The following BRMS1L variants were observed in gnomAD, a reference collection of about 807,000 sequenced individuals.
BRMS1L encodes BRMS1 like transcriptional repressor, also known as breast cancer metastasis-suppressor 1-like protein.
BRMS1L carries 23 observed loss-of-function variants against 50.3 expected under a neutral mutation model. That is an observed-to-expected ratio of 0.46 (90% CI 0.33 to 0.65). The LOEUF (loss-of-function observed/expected upper bound fraction) is 0.65, where lower values mean the gene tolerates loss of function less well. BRMS1L is among the 30% of genes least tolerant of loss of function. The probability of loss-of-function intolerance (pLI) is 0.02; values close to 1 mark genes in which losing one functional copy is unlikely to be tolerated. For synonymous variants in BRMS1L, 114 were observed against 126.9 expected (o/e 0.90, Z 0.69); for missense variants, 286 against 386.1 (o/e 0.74, Z 2.17).
At chr14:35,840,069 T>A (rs1299201625) in intron 4 of BRMS1L, among the ~76,000 whole-genome samples, 1 of 152,210 alleles carries the variant, frequency 6.6e-6, no homozygotes, top group Non-Finnish European at 1.5e-5. Flanking sequence ...ATTGAGAGTT[T>A]TTAGCATGAA....
rs72493491 is a variant in BRMS1L at position 35,850,209 on chromosome 14, C to CTTT, written c.442-12368_442-12366dup. ...TCTCCCATTTAGTAGGTTGCCTTTT[C>CTTT]TTTTTTTTTTTTTTTGAGATGGAGT... On this transcript the variant is annotated intron_variant, in intron 4 of 9. Transcript: ENST00000216807. 2.2e-3 allele frequency among the ~76,000 whole-genome samples: 282 copies of CTTT among 128,954 alleles called. 3 individuals carry two copies. The highest frequency in any genetic ancestry group is 7.7e-3 in the African/African-American group (272 of 35,368). 84.6% of individuals were successfully genotyped at this position (128,954 alleles called of 152,430 possible). A position where few individuals can be genotyped will look rare whatever the true frequency, so the allele number is the denominator to read the frequency against.
At chr14:35,841,320 T>C (rs2078059891) in intron 4 of BRMS1L, among the ~76,000 whole-genome samples, 1 of 152,052 alleles carries the variant, frequency 6.6e-6, no homozygotes, top group Non-Finnish European at 1.5e-5. Flanking sequence ...TATTTTATTT[T>C]ATTTTTTTTT....
chr14:35,865,860 A>G, intron 8 of BRMS1L, 99 bp downstream of exon 8: 1 of 1,049,458 alleles, frequency 9.5e-7, no homozygotes, highest in South Asian at 1.4e-5. Flanking sequence ...CAGTGGTTTT[A>G]TTTCATCAGT....
At chr14:35,861,331 A>G (rs2078348465) in intron 4 of BRMS1L, among the ~76,000 whole-genome samples, 1 of 152,192 alleles carries the variant, frequency 6.6e-6, no homozygotes, top group African/African-American at 2.4e-5. Context: ...CCTTAACAGC[A>G]AAAGGCTTAT....
chr14:35,826,704 C>T (rs1256958373), intron 1 of BRMS1L, 46 bp downstream of exon 1: 13 of 1,596,990 alleles, frequency 8.1e-6, no homozygotes. Flanking sequence ...GCCCAGCGCG[C>T]GACAGGCCGC....
In BRMS1L at chr14:35,826,677, G is replaced by T; in HGVS notation, c.142+19G>T. Reference sequence around the variant, plus strand: ...AGCTCAGGTGCGCGACCCACTGCTGGGACCCTGAGTCCCCGCGCCCAGCGC... The same window carrying T: ...AGCTCAGGTGCGCGACCCACTGCTGTGACCCTGAGTCCCCGCGCCCAGCGC... On this transcript the variant is annotated intron_variant, in intron 1 of 9. Transcript: ENST00000216807. 7 of 1,608,192 alleles carry T rather than the reference G, an allele frequency of 4.4e-6. No homozygotes were observed. Among genetic ancestry groups the T allele is most frequent in the Non-Finnish European group, 5.1e-6 (6 of 1,177,944 alleles).
chr14:35,854,842 C>T (rs941491915), intron 4 of BRMS1L, among the ~76,000 whole-genome samples: 3 of 152,228 alleles, frequency 2.0e-5, no homozygotes, highest in Admixed American at 1.3e-4. Context: ...TTCAGCTAGA[C>T]ATCATGGTGT....
At chr14:35,865,041 T>G (rs757359298) in intron 7 of BRMS1L, 42 bp downstream of exon 7, 12 of 1,364,550 alleles carry the variant, frequency 8.8e-6, no homozygotes, top group Middle Eastern at 1.9e-4. Flanking sequence ...GTTTTTATAG[T>G]CTACTTTTTA....
intron 4 of BRMS1L, among the ~76,000 whole-genome samples, chr14:35,842,205 T>A (rs1004234514): frequency 6.6e-6 from 1 of 152,200 alleles, no homozygotes; most frequent in African/African-American, 2.4e-5. Flanking sequence ...ATGTGTGAAT[T>A]TGATCCTGTC....
At chr14:35,857,600 T>G (rs923373133) in intron 4 of BRMS1L, among the ~76,000 whole-genome samples, 1 of 152,098 alleles carries the variant, frequency 6.6e-6, no homozygotes, top group African/African-American at 2.4e-5. Flanking sequence ...GAATTATAAG[T>G]GTGAGCCACT....
At chr14:35,843,780 G>A (rs571823319) in intron 4 of BRMS1L, among the ~76,000 whole-genome samples, 5 of 152,332 alleles carry the variant, frequency 3.3e-5, no homozygotes, top group Admixed American at 2.6e-4. Flanking sequence ...CTGAAGCTGC[G>A]CCCATAGCCA....
intron 3 of BRMS1L, 119 bp from the exon 4 acceptor site, chr14:35,834,725 A>T (rs2077969274): frequency 5.5e-6 from 3 of 541,998 alleles, no homozygotes; most frequent in Non-Finnish European, 8.6e-6. Context: ...AGTTAGACTC[A>T]CTTTTCAATT....
intron 4 of BRMS1L, among the ~76,000 whole-genome samples, chr14:35,852,995 T>TATCTATCTATCA (rs1459866177): frequency 2.6e-4 from 39 of 150,470 alleles, no homozygotes; most frequent in African/African-American, 9.5e-4. Flanking sequence ...TATCTGTATC[T>TATCTATCTATCA]ATCTATCTAT....
At chr14:35,840,316 T>C (rs2078046486) in intron 4 of BRMS1L, among the ~76,000 whole-genome samples, 1 of 152,250 alleles carries the variant, frequency 6.6e-6, no homozygotes, top group Non-Finnish European at 1.5e-5. Flanking sequence ...ATCAGGGATA[T>C]TGCCCTGAAA....
At chr14:35,849,398 T>C (rs1223502886) in intron 4 of BRMS1L, among the ~76,000 whole-genome samples, 1 of 152,114 alleles carries the variant, frequency 6.6e-6, no homozygotes, top group African/African-American at 2.4e-5. Context: ...AGCAGCTCTC[T>C]CACCTCAGCC....
rs1170410995 is a variant in BRMS1L, at chr14:35,870,357, TAG to T, written c.855-2_855-1del. ...TCATTCATTCTTTTTTTTTTCTTTT[TAG>T]TGCTGTAATTACAACAATTAACCAT... On this transcript the variant is annotated splice_acceptor_variant, in intron 9 of 9. Transcript: ENST00000216807. LOFTEE classifies it high-confidence loss of function. 6.6e-7 allele frequency: 1 copy of T among 1,521,390 alleles called. No individual in the cohort carries two copies. The allele number at this position is 1,521,390 out of a possible 1,614,324, so 94.2% of individuals were successfully genotyped here. A position where few individuals can be genotyped will look rare whatever the true frequency, so the allele number is the denominator to read the frequency against.
At chr14:35,863,847 C>T in intron 5 of BRMS1L, 23 bp from the exon 6 acceptor site, 2 of 1,602,898 alleles carry the variant, frequency 1.2e-6, no homozygotes, top group South Asian at 2.2e-5. Flanking sequence ...CCCACTAATA[C>T]TTAATCTTTA....
At chr14:35,846,958 T>TTGC (rs1381396862) in intron 4 of BRMS1L, among the ~76,000 whole-genome samples, 1 of 152,006 alleles carries the variant, frequency 6.6e-6, no homozygotes, top group Admixed American at 6.5e-5. Context: ...TTTGTTTATA[T>TTGC]TGCTGTTTTT....
At chr14:35,853,159 A>G (rs535501733) in intron 4 of BRMS1L, among the ~76,000 whole-genome samples, 217 of 152,104 alleles carry the variant, frequency 1.4e-3, no homozygotes, top group African/African-American at 4.8e-3. Context: ...TAAAAAGTCT[A>G]TTTTGTCTGA....
Sources: allele counts gnomAD v4.1 joint callset (sites outside exome capture counted in the v4.1 genomes callset), GRCh38; gene constraint gnomAD v4.1.1; transcripts MANE v1.5; gene names NCBI Gene and HGNC (gene_info 2026-07-23, HGNC 2026-07-21).